The following ENTREP2 variants were observed in gnomAD, a reference collection of about 807,000 sequenced individuals.
The protein encoded by ENTREP2 is endosomal transmembrane epsin interactor 2.
the ENTREP2 span, among the ~76,000 whole-genome samples, chr15:29,223,743 G>A: frequency 1.3e-5 from 2 of 152,118 alleles, no homozygotes; most frequent in African/African-American, 2.4e-5. Flanking sequence ...GGTAGCCAGA[G>A]AGGCTGGTTC....
the ENTREP2 span, among the ~76,000 whole-genome samples, chr15:29,511,332 C>T: frequency 8.1e-3 from 943 of 115,946 alleles, 4 homozygotes; most frequent in African/African-American, 0.033. Flanking sequence ...TTTTCTTCTT[C>T]TTTTTTCTTT....
chr15:29,207,427 G>A, the ENTREP2 span, among the ~76,000 whole-genome samples: 10 of 142,600 alleles, frequency 7.0e-5, no homozygotes, highest in East Asian at 2.1e-4. Context: ...CACCTCCTAC[G>A]AGCGGTGTGC....
At chr15:29,553,928 A>G in the ENTREP2 span, among the ~76,000 whole-genome samples, 2 of 152,176 alleles carry the variant, frequency 1.3e-5, no homozygotes, top group Non-Finnish European at 2.9e-5. Context: ...TTCCTCACCA[A>G]CAAGATTATA....
chr15:29,438,676 T>A, the ENTREP2 span, among the ~76,000 whole-genome samples: 2 of 152,138 alleles, frequency 1.3e-5, no homozygotes, highest in Non-Finnish European at 2.9e-5. Flanking sequence ...CAGTCTCTCC[T>A]TGGAGTACAT....
the ENTREP2 span, among the ~76,000 whole-genome samples, chr15:29,343,940 A>C: frequency 6.6e-6 from 1 of 152,248 alleles, no homozygotes; most frequent in African/African-American, 2.4e-5. Flanking sequence ...GTTTATCCAA[A>C]AGATGAACTG....
At chr15:29,634,527 G>C in the ENTREP2 span, among the ~76,000 whole-genome samples, 3 of 152,160 alleles carry the variant, frequency 2.0e-5, no homozygotes, top group Admixed American at 6.6e-5. Context: ...AAATGTGCAG[G>C]GATTTCTCCC....
the ENTREP2 span, among the ~76,000 whole-genome samples, chr15:29,395,900 T>C: frequency 6.6e-6 from 1 of 152,168 alleles, no homozygotes; most frequent in Non-Finnish European, 1.5e-5. Context: ...ATGTGCTTAT[T>C]AGCCATCTGT....
At chr15:29,339,158 T>G in the ENTREP2 span, among the ~76,000 whole-genome samples, 2 of 152,106 alleles carry the variant, frequency 1.3e-5, no homozygotes, top group African/African-American at 2.4e-5. Flanking sequence ...ACTAGTGGAG[T>G]TGGCACGAGA....
the ENTREP2 span, among the ~76,000 whole-genome samples, chr15:29,656,038 A>C: frequency 6.6e-6 from 1 of 150,770 alleles, no homozygotes; most frequent in Non-Finnish European, 1.5e-5. Flanking sequence ...AAAAAAAAAA[A>C]AAAAACAACT....
the ENTREP2 span, among the ~76,000 whole-genome samples, chr15:29,411,340 A>G: frequency 3.9e-5 from 6 of 152,232 alleles, no homozygotes; most frequent in African/African-American, 1.4e-4. Flanking sequence ...CTCCTGATCC[A>G]CATTCTGTCC....
the ENTREP2 span, among the ~76,000 whole-genome samples, chr15:29,253,174 G>C: frequency 6.6e-6 from 1 of 152,058 alleles, no homozygotes; most frequent in African/African-American, 2.4e-5. Context: ...TTCACACTTT[G>C]AATCAGGCCA....
the ENTREP2 span, among the ~76,000 whole-genome samples, chr15:29,444,192 A>C: frequency 0.018 from 2,261 of 126,770 alleles, 130 homozygotes; most frequent in East Asian, 0.024. Flanking sequence ...GAAAGAAAGA[A>C]AGAAAGAAAG....
the ENTREP2 span, among the ~76,000 whole-genome samples, chr15:29,637,484 G>C: frequency 6.6e-6 from 1 of 152,204 alleles, no homozygotes; most frequent in Non-Finnish European, 1.5e-5. Flanking sequence ...TTGAGCTCAT[G>C]TTCCCTTGTC....
the ENTREP2 span, among the ~76,000 whole-genome samples, chr15:29,253,207 T>C: frequency 6.6e-6 from 1 of 152,226 alleles, no homozygotes; most frequent in Admixed American, 6.5e-5. Context: ...AGCAGGTCCA[T>C]GTGGTACAAC....
the ENTREP2 span, among the ~76,000 whole-genome samples, chr15:29,221,633 CCT>C: frequency 6.6e-6 from 1 of 152,234 alleles, no homozygotes; most frequent in South Asian, 2.1e-4. Flanking sequence ...ATTCCTCCTC[CCT>C]GTCTTGCCTT....
At chr15:29,293,449 G>A in the ENTREP2 span, among the ~76,000 whole-genome samples, 2 of 151,750 alleles carry the variant, frequency 1.3e-5, no homozygotes, top group South Asian at 4.2e-4. Flanking sequence ...GTAGAGACAG[G>A]GTTTCACCGT....
the ENTREP2 span, chr15:29,373,592 T>C: frequency 1.3e-5 from 2 of 152,232 alleles, no homozygotes; most frequent in African/African-American, 2.4e-5. Context: ...TTTGCTTTCT[T>C]TTCATTCTCT....
chr15:29,303,170 C>T, the ENTREP2 span, among the ~76,000 whole-genome samples: 1 of 152,220 alleles, frequency 6.6e-6, no homozygotes, highest in Non-Finnish European at 1.5e-5. Flanking sequence ...GGGCTGCTGG[C>T]ACCTGCTGTA....
the ENTREP2 span, among the ~76,000 whole-genome samples, chr15:29,259,593 C>T: frequency 6.6e-6 from 1 of 152,092 alleles, no homozygotes; most frequent in South Asian, 2.1e-4. Flanking sequence ...CCCTACTTTC[C>T]ACTTTTGGTA....
Sources: gnomAD v4.1 joint callset for allele counts (sites outside exome capture counted in the v4.1 genomes callset) on GRCh38, gnomAD v4.1.1 for gene constraint, MANE v1.5 for transcripts, NCBI Gene and HGNC (gene_info 2026-07-23, HGNC 2026-07-21) for gene names.